PARP9: variants seen among roughly 807,000 people sequenced by gnomAD.
PARP9 encodes protein mono-ADP-ribosyltransferase PARP9.
A neutral mutation model predicts 68.8 loss-of-function variants in PARP9; 48 were observed. That is an observed-to-expected ratio of 0.70 (90% confidence interval 0.55 to 0.89). The LOEUF is 0.89. Among genes scored for constraint, PARP9 ranks in the 40% least tolerant of loss-of-function variants. The probability of loss-of-function intolerance (pLI) is 0.00; values close to 1 mark genes in which losing one functional copy is unlikely to be tolerated. For missense variants in PARP9, 806 were observed against 969.3 expected (o/e 0.83, Z 2.24); for synonymous variants, 309 against 333.8 (o/e 0.93, Z 0.81).
At position 122,559,616 on chromosome 3, in the gene PARP9, T is replaced by A; in HGVS notation, c.5A>T (p.Asp2Val). The A allele has an allele frequency of 6.3e-7, 1 of 1,590,326 alleles. No individual in the cohort carries two copies. The highest frequency in any genetic ancestry group is 8.6e-7 in the Non-Finnish European group (1 of 1,168,242). The change falls in exon 2 of 11, where the codon GAC (aspartate) becomes GTC (valine). Residue 2 changes from aspartate to valine, a missense_variant. Asp to Val is a radical substitution (Grantham distance 152). This residue lies in a region of PARP9 where 126 missense variants were observed against 110.5 expected (regional missense o/e 1.14). Coordinates refer to ENST00000682323, the MANE Select transcript of PARP9 (RefSeq NM_001146105.2). The part of the protein sequence containing the change: M[D>V]FSMVAGAAAY... Reference sequence around the variant, plus strand: ...ATTTATGCTTTTTACCATGGAAAAGTCCATCCTCCAGGTCCCCGGGGGAGT... The same window carrying A: ...ATTTATGCTTTTTACCATGGAAAAGACCATCCTCCAGGTCCCCGGGGGAGT...
chr3:122,536,188 C>G lies in PARP9; in HGVS notation c.2060G>C (p.Arg687Thr), dbSNP rs758220719. ...CNVVCRVGFQ[R>T]MYSTPCDPKY... ...CCTACCGCAAGGTGTCGAGTACATT[C>G]TTTGAAAGCCAACTCTGCATACCAC... Residue 687 changes from arginine (R) to threonine (T), a missense_variant, in exon 10 of 11, where the codon AGA becomes ACA. By Grantham distance (71) the Arg-to-Thr change is moderately conservative. Coordinates refer to ENST00000682323, the MANE Select transcript of PARP9 (RefSeq NM_001146105.2). The G allele has an allele frequency of 6.8e-6, 11 of 1,614,164 alleles. No individual in the cohort carries two copies. The South Asian group carries it at 9.9e-5, about 15-fold the overall frequency.
chr3:122,555,222 C>T (rs1033069266), intron 4 of PARP9, 64 bp downstream of exon 4: 1 of 1,456,506 alleles, frequency 6.9e-7, no homozygotes, highest in Non-Finnish European at 9.3e-7. Context: ...AGTGTACACT[C>T]AAAAATTATT....
chr3:122,556,771 G>T (rs957897343), intron 3 of PARP9, among the ~76,000 whole-genome samples: 4 of 137,416 alleles, frequency 2.9e-5, no homozygotes, highest in Non-Finnish European at 4.9e-5. Context: ...GTGCCTCAGG[G>T]TTATACCACT....
chr3:122,561,276 T>G (rs1559887370), intron 1 of PARP9, among the ~76,000 whole-genome samples: 1 of 152,140 alleles, frequency 6.6e-6, no homozygotes, highest in Non-Finnish European at 1.5e-5. Flanking sequence ...CTGGGCAACA[T>G]GGCAAGACCT....
rs753261813 is a variant in PARP9, at chr3:122,528,574, A to G, written c.2250T>C (p.Ser750=). The G allele has an allele frequency of 6.2e-7, 1 of 1,614,164 alleles. No homozygotes were observed. The highest frequency in any genetic ancestry group is 8.5e-7 in the Non-Finnish European group (1 of 1,180,026). ...TGTCATGACCATCTATAGCTCCAGG[A>G]CTCAGTGGTGGGGGAACAATATTTA... ...HPLNIVPPPL[S]PGAIDGHDSV... is the part of the protein sequence containing the mutation. Residue 750 remains serine (S), a synonymous_variant, in exon 11 of 11, where the codon AGT becomes AGC. Coordinates refer to ENST00000682323, the MANE Select transcript of PARP9 (RefSeq NM_001146105.2).
rs2077076207 is a variant in PARP9 at position 122,528,406 on chromosome 3, C to T, written c.2418G>A (p.Gln806=). ...CACTTGCGAATCCCCTCCAAGGATG[C>T]TGTGCAAAGGGTCTCATTGGTCCTG... is the stretch of plus-strand genomic sequence containing the variant. ...YSSGPMRPFA[Q]HPWRGFASGS... is the part of the protein sequence containing the mutation. The change falls in exon 11 of 11, where the codon CAG becomes CAA. Residue 806 remains glutamine, a synonymous_variant. Coordinates refer to ENST00000682323, the MANE Select transcript of PARP9 (RefSeq NM_001146105.2). 6.2e-7 allele frequency: 1 copy of T among 1,613,986 alleles called. No individual in the cohort carries two copies. The highest frequency in any genetic ancestry group is 1.1e-5 in the South Asian group (1 of 91,072).
At position 122,543,439 on chromosome 3, in the gene PARP9, G is replaced by A. The variant is rs929670786; in HGVS notation, c.1384+1993C>T. Among the ~76,000 whole-genome samples, 17 of 151,082 alleles carry A rather than the reference G, an allele frequency of 1.1e-4. No individual in the cohort carries two copies. In the South Asian group the frequency reaches 1.3e-3, roughly 11 times the overall value. On this transcript the variant is annotated intron_variant, in intron 7 of 10. Transcript: ENST00000682323. Reference sequence around the variant, plus strand: ...ATTACAGACATGTGCCACCATGCCCGGCTAATTTTGTATTTTTAGCAGAGA... The same window carrying A: ...ATTACAGACATGTGCCACCATGCCCAGCTAATTTTGTATTTTTAGCAGAGA...
chr3:122,540,065 T>C (rs2078075653), intron 8 of PARP9, among the ~76,000 whole-genome samples: 1 of 152,246 alleles, frequency 6.6e-6, no homozygotes, highest in Admixed American at 6.5e-5. Context: ...TTCCTAATGC[T>C]GTCAGTGACA....
intron 8 of PARP9, among the ~76,000 whole-genome samples, chr3:122,540,005 C>G (rs1310275789): frequency 6.6e-6 from 1 of 152,200 alleles, no homozygotes; most frequent in Admixed American, 6.5e-5. Flanking sequence ...CCTCACATTA[C>G]CAATGTATAA....
chr3:122,556,645 AG>A (rs1178957004), intron 3 of PARP9, among the ~76,000 whole-genome samples: 1 of 152,070 alleles, frequency 6.6e-6, no homozygotes, highest in Non-Finnish European at 1.5e-5. Flanking sequence ...AGGTGATCCT[AG>A]GAAATACTAG....
intron 7 of PARP9, among the ~76,000 whole-genome samples, chr3:122,542,519 G>A (rs775882645): frequency 2.0e-5 from 3 of 151,988 alleles, no homozygotes; most frequent in East Asian, 3.9e-4. Context: ...CCAGGCTGTC[G>A]CCCAGGCTGG....
intron 7 of PARP9, 105 bp from the exon 8 acceptor site, chr3:122,540,957 C>T (rs2078176003): frequency 3.2e-6 from 4 of 1,256,260 alleles, no homozygotes; most frequent in South Asian, 1.5e-5. Flanking sequence ...GTGCTGCGAT[C>T]TCAGCTCACT....
rs757763380 is a variant in PARP9, at chr3:122,552,561, C to T, written c.964G>A (p.Gly322Arg). ...AGAAATTCCGATTTCATTTCAACTC[C>T]TGCTTGTTGTAGAATTGACTTTGCC... ...PVAKSILQQA[G>R]VEMKSEFLAT... Residue 322 changes from glycine to arginine, a missense_variant, in exon 5 of 11, where the codon GGA becomes AGA. Transcript: ENST00000682323. 2 of 1,614,030 alleles carry T rather than the reference C, an allele frequency of 1.2e-6. No individual in the cohort carries two copies. Among genetic ancestry groups the T allele is most frequent in the South Asian group, 2.2e-5 (2 of 91,074 alleles).
At chr3:122,564,198 T>TGCAGGAG in intron 1 of PARP9, 47 bp downstream of exon 1, 2 of 515,966 alleles carry the variant, frequency 3.9e-6, no homozygotes. Context: ...ACCTCGAGCC[T>TGCAGGAG]GCAGGAGAGG....
At chr3:122,536,614 T>A in intron 9 of PARP9, 1 of 558,722 alleles carries the variant, frequency 1.8e-6, no homozygotes, top group South Asian at 2.8e-5. Flanking sequence ...AAGCTCATAG[T>A]TTAGTGAGAT....
At chr3:122,541,400 C>G (rs2078221367) in intron 7 of PARP9, among the ~76,000 whole-genome samples, 1 of 152,180 alleles carries the variant, frequency 6.6e-6, no homozygotes, top group African/African-American at 2.4e-5. Context: ...TCGTCTCTTG[C>G]CTCTGCTATG....
chr3:122,536,877 C>A, intron 9 of PARP9, 57 bp downstream of exon 9: 1 of 1,559,932 alleles, frequency 6.4e-7, no homozygotes. Context: ...CCTTTGGCTA[C>A]AGAAACAAGT....
chr3:122,540,644 C>G lies in PARP9; in HGVS notation c.1593G>C (p.Gln531His), dbSNP rs746524677. ...RKEHDILSQLQKTSSVSITEI... is the reference protein window; with the variant it reads ...RKEHDILSQLHKTSSVSITEI... ...CTGTGATGGAGACACTTGAAGTTTT[C>G]TGAAGCTGAGACAAAATGTCATGTT... is the stretch of plus-strand genomic sequence containing the variant. The change falls in exon 8 of 11, where the codon CAG becomes CAC. Residue 531 changes from glutamine (Q) to histidine (H), a missense_variant. Gln to His is a conservative substitution (Grantham distance 24). Coordinates refer to ENST00000682323, the MANE Select transcript of PARP9 (RefSeq NM_001146105.2). The G allele has an allele frequency of 6.2e-7, 1 of 1,614,046 alleles. No individual in the cohort carries two copies. The highest frequency in any genetic ancestry group is 8.5e-7 in the Non-Finnish European group (1 of 1,180,046).
At chr3:122,538,693 C>CAG (rs1491407185) in intron 8 of PARP9, among the ~76,000 whole-genome samples, 1 of 150,080 alleles carries the variant, frequency 6.7e-6, no homozygotes, top group African/African-American at 2.5e-5. Context: ...CACACACACA[C>CAG]TCTAACAAAA....
Sources: allele counts gnomAD v4.1 joint callset (sites outside exome capture counted in the v4.1 genomes callset), GRCh38; gene constraint gnomAD v4.1.1; regional missense constraint gnomAD v4.1.1; transcripts MANE v1.5; gene names NCBI Gene and HGNC (gene_info 2026-07-23, HGNC 2026-07-21).